Variants in SPTAN1 observed in about 807,000 individuals in gnomAD.
The protein encoded by SPTAN1 is spectrin alpha chain, non-erythrocytic 1.
In SPTAN1, 61 loss-of-function variants were observed where a neutral mutation model predicts 331.3. The ratio of observed to expected loss-of-function variants is 0.18; its 90% CI spans 0.15 to 0.23. The LOEUF (loss-of-function observed/expected upper bound fraction) is 0.23, where lower values mean the gene tolerates loss of function less well. Among genes scored for constraint, SPTAN1 ranks in the 10% least tolerant of loss-of-function variants. SPTAN1 has a pLI of 1.00. For synonymous variants in SPTAN1, 1,153 were observed against 1,173.9 expected (o/e 0.98, Z 0.36); for missense variants, 2,043 against 3,147.9 (o/e 0.65, Z 8.40).
chr9:128,599,120 T>C (rs1470407316), intron 26 of SPTAN1, 134 bp downstream of exon 26: 6 of 904,654 alleles, frequency 6.6e-6, no homozygotes, highest in Non-Finnish European at 1.1e-5. Flanking sequence ...TAAAGATTTG[T>C]GGAAAACTCC....
intron 40 of SPTAN1, 125 bp downstream of exon 40, chr9:128,613,610 G>C: frequency 1.3e-6 from 1 of 787,536 alleles, no homozygotes; most frequent in Non-Finnish European, 2.2e-6. Flanking sequence ...ATTCTCAAAG[G>C]TTGTGGCCTC....
At position 128,627,367 on chromosome 9, in the gene SPTAN1, GC is replaced by G; in HGVS notation, c.6577-13del. ...ACTGCCACAGCAGCGCACAGCATCT[GC>G]CCCCCTTTGGCCCTCAGGAGAGGGA... On this transcript the variant is annotated intron_variant, in intron 49 of 56. Coordinates refer to ENST00000372739, the MANE Select transcript of SPTAN1 (RefSeq NM_001130438.3). The surrounding 1 kb of genome is among the most constrained non-coding windows in gnomAD (Gnocchi z 4.9). 1 of 1,548,842 alleles carries G rather than the reference GC, an allele frequency of 6.5e-7. No individual in the cohort carries two copies. Among genetic ancestry groups the G allele is most frequent in the Non-Finnish European group, 8.7e-7 (1 of 1,144,988 alleles).
intron 45 of SPTAN1, among the ~76,000 whole-genome samples, chr9:128,622,759 T>G (rs563264781): frequency 3.9e-5 from 6 of 152,150 alleles, no homozygotes; most frequent in African/African-American, 1.4e-4. Context: ...ATTTATTTAT[T>G]TATTTATTTT....
In SPTAN1 at chr9:128,627,997, T is replaced by C. The variant is rs774618446; in HGVS notation, c.6707+55T>C. ...TTGTCATGTGGGGGTCTCGTGCGCT[T>C]GCCCCTCGTGGCCTGGCTTGTGGAG... On this transcript the variant is annotated intron_variant, in intron 51 of 56. Transcript: ENST00000372739. This position sits in a 1 kb window ranked among gnomAD's most constrained non-coding sequence, Gnocchi z 4.9. 4 of 1,610,310 alleles carry C rather than the reference T, an allele frequency of 2.5e-6. No individual in the cohort carries two copies. The highest frequency in any genetic ancestry group is 2.5e-6 in the Non-Finnish European group (3 of 1,176,576).
At chr9:128,598,149 T>C (rs1471398621) in intron 24 of SPTAN1, among the ~76,000 whole-genome samples, 3 of 150,524 alleles carry the variant, frequency 2.0e-5, no homozygotes, top group Non-Finnish European at 3.0e-5. Flanking sequence ...GGTTTCTCCA[T>C]GTTGGTTAGG....
Position 128,627,232 on chromosome 9 carries a change from G to T in SPTAN1, c.6577-154G>T. The T allele has an allele frequency of 1.4e-6, 1 of 692,582 alleles. No homozygotes were observed. The highest frequency in any genetic ancestry group is 2.5e-6 in the Non-Finnish European group (1 of 392,248). 42.9% of individuals were successfully genotyped at this position (692,582 alleles called of 1,614,324 possible). ...GGGAACAGAGAAAGAACTACCAAGT[G>T]CTCTGAGCCGGCCTCATGTCTCCCA... On this transcript the variant is annotated intron_variant, in intron 49 of 56. Transcript: ENST00000372739. This position sits in a 1 kb window ranked among gnomAD's most constrained non-coding sequence, Gnocchi z 4.9.
At chr9:128,567,093 A>T in intron 2 of SPTAN1, 116 bp downstream of exon 2, 1 of 1,434,958 alleles carries the variant, frequency 7.0e-7, no homozygotes, top group Non-Finnish European at 9.7e-7. Context: ...CAAGAAGAAT[A>T]TAATAAGGAA....
chr9:128,598,256 T>G lies in SPTAN1; in HGVS notation c.3415-144T>G, dbSNP rs565989180. 1.6e-5 allele frequency: 11 copies of G among 690,402 alleles called. No individual in the cohort carries two copies. The South Asian group carries it at 1.7e-4, about 10-fold the overall frequency. The allele number at this position is 690,402 out of a possible 1,614,324, so 42.8% of individuals were successfully genotyped here. On this transcript the variant is annotated intron_variant, in intron 24 of 56. Coordinates refer to ENST00000372739, the MANE Select transcript of SPTAN1 (RefSeq NM_001130438.3). The stretch of plus-strand genomic sequence containing the variant: ...AGCCACCATGCCCCCAGCCATAGCT[T>G]ATTTTTTTAATCCCCCCCTTTTTTT...
chr9:128,625,179 G>T lies in SPTAN1; in HGVS notation c.6069G>T (p.Gln2023His). 1.2e-6 allele frequency: 2 copies of T among 1,614,110 alleles called. No individual in the cohort carries two copies. The highest frequency in any genetic ancestry group is 1.7e-6 in the Non-Finnish European group (2 of 1,179,982). ...LSSVQTLLTK[Q>H]ETFDAGLQAF... ...CTGTGCAGACGCTCCTCACCAAACAGGTCTGCCCTGGCCCCTTCACTGGTT... is the reference window on the plus strand; with the variant it reads ...CTGTGCAGACGCTCCTCACCAAACATGTCTGCCCTGGCCCCTTCACTGGTT... Residue 2023 changes from glutamine to histidine, a missense_variant and splice_region_variant, in exon 47 of 57, where the codon CAG (glutamine) becomes CAT (histidine). By Grantham distance (24) the Gln-to-His change is conservative (BLOSUM62 0). Transcript: ENST00000372739. The surrounding 1 kb of genome is among the most constrained non-coding windows in gnomAD (Gnocchi z 4.1).
intron 45 of SPTAN1, chr9:128,621,929 G>T: frequency 6.3e-6 from 1 of 158,704 alleles, no homozygotes; most frequent in Non-Finnish European, 1.4e-5. Flanking sequence ...CTCAGGTGCA[G>T]TGACGCACCT....
chr9:128,586,286 A>G (rs1289766143), intron 19 of SPTAN1, among the ~76,000 whole-genome samples: 1 of 151,324 alleles, frequency 6.6e-6, no homozygotes, highest in Non-Finnish European at 1.5e-5. Flanking sequence ...CTGCCTAGCT[A>G]CGCTTTTTAA....
At chr9:128,567,647 T>C (rs1238535616) in intron 2 of SPTAN1, among the ~76,000 whole-genome samples, 5 of 152,202 alleles carry the variant, frequency 3.3e-5, no homozygotes, top group East Asian at 1.9e-4. Flanking sequence ...TTTATAGTTA[T>C]TCTGGAGTCA....
Position 128,605,090 on chromosome 9 carries a change from A to G in SPTAN1, c.3776A>G (p.Asp1259Gly), listed in dbSNP as rs1229172232. ...GAGAAGAATCAAGCTCTAAACACAG[A>G]CAATTATGGACATGATCTCGCCAGT... ...IEEKNQALNT[D>G]NYGHDLASVQ... The change falls in exon 30 of 57, where the codon GAC (aspartate) becomes GGC (glycine). Residue 1259 changes from aspartate to glycine, a missense_variant. Asp to Gly is a moderately conservative substitution (Grantham distance 94). Around this residue, in one of 12 missense-constraint regions of SPTAN1, gnomAD observed 42 missense variants for 106.0 expected, o/e 0.40. Transcript: ENST00000372739. The G allele has an allele frequency of 6.2e-7, 1 of 1,614,090 alleles. No homozygotes were observed. The highest frequency in any genetic ancestry group is 2.2e-5 in the East Asian group (1 of 44,884).
rs755073572 is a variant in SPTAN1 at position 128,577,316 on chromosome 9, G to C, written c.931-36G>C. On this transcript the variant is annotated intron_variant, in intron 7 of 56. Transcript: ENST00000372739. The surrounding 1 kb of genome is among the most constrained non-coding windows in gnomAD (Gnocchi z 4.2). ...CTGATTCTGTAAATAAGTTACCAAGGGTCAGGAGAATAGTTCTGACGGAGT... is the reference window on the plus strand; with the variant it reads ...CTGATTCTGTAAATAAGTTACCAAGCGTCAGGAGAATAGTTCTGACGGAGT... The C allele has an allele frequency of 3.1e-6, 5 of 1,614,160 alleles. No individual in the cohort carries two copies. The East Asian group carries it at 8.9e-5, about 29-fold the overall frequency.
Position 128,577,441 on chromosome 9 carries a change from T to G in SPTAN1, c.1020T>G (p.Ile340Met). 1.2e-6 allele frequency: 2 copies of G among 1,614,186 alleles called. No individual in the cohort carries two copies. The highest frequency in any genetic ancestry group is 8.5e-7 in the Non-Finnish European group (1 of 1,180,026). The change falls in exon 8 of 57, where the codon ATT becomes ATG. Residue 340 changes from isoleucine (I) to methionine (M), a missense_variant. By Grantham distance (10) the Ile-to-Met change is conservative. Coordinates refer to ENST00000372739, the MANE Select transcript of SPTAN1 (RefSeq NM_001130438.3). The surrounding 1 kb of genome is among the most constrained non-coding windows in gnomAD (Gnocchi z 4.2). ...TQIQVKREEL[I>M]TNWEQIRTLA... Reference sequence around the variant, plus strand: ...TTCAAGTGAAGCGAGAGGAACTGATTACAAACTGGGAGCAGATCCGCACCT... The same window carrying G: ...TTCAAGTGAAGCGAGAGGAACTGATGACAAACTGGGAGCAGATCCGCACCT...
chr9:128,603,562 A>C lies in SPTAN1; in HGVS notation c.3599A>C (p.His1200Pro). 6.2e-7 allele frequency: 1 copy of C among 1,614,194 alleles called. No homozygotes were observed. The highest frequency in any genetic ancestry group is 8.5e-7 in the Non-Finnish European group (1 of 1,180,034). ...SPWKSARLMV[H>P]TVATFNSIKE... ...ACCTAGTCTGCTCGTCTGATGGTTC[A>C]CACCGTGGCCACCTTTAATTCCATC... is the stretch of plus-strand genomic sequence containing the variant. Residue 1200 changes from histidine (H) to proline (P), a missense_variant, in exon 28 of 57, where the codon CAC becomes CCC. Coordinates refer to ENST00000372739, the MANE Select transcript of SPTAN1 (RefSeq NM_001130438.3).
At chr9:128,604,885 A>AT in intron 29 of SPTAN1, 149 bp from the exon 30 acceptor site, 1 of 815,028 alleles carries the variant, frequency 1.2e-6, no homozygotes, top group Non-Finnish European at 1.8e-6. Flanking sequence ...GTGAGCTGAG[A>AT]TTGTGCATTG....
intron 1 of SPTAN1, among the ~76,000 whole-genome samples, chr9:128,565,345 G>A (rs1297668260): frequency 6.6e-6 from 1 of 152,168 alleles, no homozygotes; most frequent in Non-Finnish European, 1.5e-5. Context: ...GAGTGGCATG[G>A]CGAAGAATGT....
chr9:128,561,598 G>A (rs1368441039), intron 1 of SPTAN1, among the ~76,000 whole-genome samples: 1 of 131,678 alleles, frequency 7.6e-6, no homozygotes, highest in East Asian at 2.2e-4. Context: ...GGGAGGCGGA[G>A]CTTGCAGTGA....
Sources: gnomAD v4.1 joint callset for allele counts (sites outside exome capture counted in the v4.1 genomes callset) on GRCh38, gnomAD v4.1.1 for gene constraint, gnomAD v4.1.1 regional missense constraint, Gnocchi (gnomAD v3.1) non-coding constraint, MANE v1.5 for transcripts, NCBI Gene and HGNC (gene_info 2026-07-23, HGNC 2026-07-21) for gene names.